The following ANXA5 variants were observed in gnomAD, a reference collection of about 807,000 sequenced individuals.
ANXA5 encodes annexin A5.
A neutral mutation model predicts 48.1 loss-of-function variants in ANXA5; 40 were observed. The ratio of observed to expected loss-of-function variants is 0.83; its 90% CI spans 0.65 to 1.08. The LOEUF (loss-of-function observed/expected upper bound fraction) is 1.08, where lower values mean the gene tolerates loss of function less well. Ranked by LOEUF, ANXA5 falls within the 50% of genes least tolerant of loss-of-function variation. The pLI, the probability that ANXA5 is intolerant of heterozygous loss-of-function variation, is 0.00. For missense variants in ANXA5, 357 were observed against 376.8 expected (o/e 0.95, Z 0.44); for synonymous variants, 113 against 129.1 (o/e 0.88, Z 0.85).
intron 2 of ANXA5, among the ~76,000 whole-genome samples, chr4:121,691,071 T>C (rs1237417489): frequency 6.6e-6 from 1 of 152,216 alleles, no homozygotes; most frequent in Non-Finnish European, 1.5e-5. Flanking sequence ...CCCAGATTAA[T>C]GCCAACTCTT....
intron 8 of ANXA5, 64 bp downstream of exon 8, chr4:121,677,830 T>C (rs1441077378): frequency 7.3e-7 from 1 of 1,378,742 alleles, no homozygotes; most frequent in African/African-American, 1.4e-5. Context: ...TGATTTTTCA[T>C]TACCATGAAT....
chr4:121,680,273 TTGTG>T, intron 6 of ANXA5, among the ~76,000 whole-genome samples: 1 of 151,456 alleles, frequency 6.6e-6, no homozygotes, highest in East Asian at 1.9e-4. Context: ...GTGTCTGTGT[TTGTG>T]TGTGTGTGTG....
intron 2 of ANXA5, among the ~76,000 whole-genome samples, 186 bp downstream of exon 2, chr4:121,696,395 A>G (rs1725082293): frequency 2.0e-5 from 3 of 152,104 alleles, no homozygotes; most frequent in Non-Finnish European, 4.4e-5. Flanking sequence ...GCTCAGCGGG[A>G]AGAACCGGGA....
intron 6 of ANXA5, among the ~76,000 whole-genome samples, chr4:121,680,858 T>G (rs192760627): frequency 1.7e-4 from 26 of 152,314 alleles, no homozygotes; most frequent in African/African-American, 6.3e-4. Flanking sequence ...AGAAAGGTAA[T>G]TATACAGTTG....
intron 4 of ANXA5, 113 bp from the exon 5 acceptor site, chr4:121,683,590 G>A: frequency 1.7e-6 from 1 of 597,196 alleles, no homozygotes; most frequent in African/African-American, 1.9e-5. Flanking sequence ...CTGTCTCCAA[G>A]TAGAAGGCCC....
At chr4:121,689,689 C>T (rs970473822) in intron 2 of ANXA5, among the ~76,000 whole-genome samples, 1 of 152,086 alleles carries the variant, frequency 6.6e-6, no homozygotes, top group Non-Finnish European at 1.5e-5. Flanking sequence ...AAAAGCCATG[C>T]TAAAATGTGC....
chr4:121,678,971 A>G (rs1341508049), intron 6 of ANXA5, among the ~76,000 whole-genome samples: 1 of 152,180 alleles, frequency 6.6e-6, no homozygotes, highest in African/African-American at 2.4e-5. Flanking sequence ...CTTGAGAGAC[A>G]GCAATGATAT....
At chr4:121,671,995 A>G (rs938534850) in intron 9 of ANXA5, among the ~76,000 whole-genome samples, 5 of 152,200 alleles carry the variant, frequency 3.3e-5, no homozygotes, top group Admixed American at 2.0e-4. Flanking sequence ...GAGCTAGAGC[A>G]GACATCTTAT....
At chr4:121,669,846 TA>T in intron 11 of ANXA5, 107 bp downstream of exon 11, 2 of 1,460,040 alleles carry the variant, frequency 1.4e-6, no homozygotes, top group Non-Finnish European at 1.9e-6. Flanking sequence ...GGTTGAATGT[TA>T]TAAGGGAAAA....
In ANXA5 at chr4:121,681,773, T is replaced by C. The variant is rs1724797290; in HGVS notation, c.304-12A>G. ...TTTGTTCCAGCTCCCTGTTTGGAGATTTTAATAGAGAAAACATGTCAATAA... is the reference window on the plus strand; with the variant it reads ...TTTGTTCCAGCTCCCTGTTTGGAGACTTTAATAGAGAAAACATGTCAATAA... On this transcript the variant is annotated splice_polypyrimidine_tract_variant and intron_variant, in intron 5 of 12. Transcript: ENST00000296511. 6.3e-7 allele frequency: 1 copy of C among 1,585,842 alleles called. No homozygotes were observed. Among genetic ancestry groups the C allele is most frequent in the South Asian group, 1.1e-5 (1 of 89,336 alleles).
In ANXA5 at chr4:121,672,600, T is replaced by C; in HGVS notation, c.558A>G (p.Lys186=). 6.2e-7 allele frequency: 1 copy of C among 1,613,756 alleles called. No homozygotes were observed. The highest frequency in any genetic ancestry group is 8.5e-7 in the Non-Finnish European group (1 of 1,179,786). The stretch of plus-strand genomic sequence containing the variant: ...TAAACTTTTCTTCATCTGTCCCCCA[T>C]TTAAGTTCTCCAGCCTGAAATAAAG... ...AQALFQAGEL[K]WGTDEEKFIT... is the part of the protein sequence containing the mutation. The change falls in exon 9 of 13, where the codon AAA becomes AAG. Residue 186 remains lysine, a synonymous_variant. Coordinates refer to ENST00000296511, the MANE Select transcript of ANXA5 (RefSeq NM_001154.4).
chr4:121,693,395 C>A (rs1725021522), intron 2 of ANXA5, among the ~76,000 whole-genome samples: 1 of 151,986 alleles, frequency 6.6e-6, no homozygotes, highest in African/African-American at 2.4e-5. Context: ...GTCTTAGGAG[C>A]CCTAATTTTT....
chr4:121,669,742 A>AG lies in ANXA5; in HGVS notation c.781-19_781-18insC, dbSNP rs781520875. On this transcript the variant is annotated intron_variant, in intron 11 of 12. Coordinates refer to ENST00000296511, the MANE Select transcript of ANXA5 (RefSeq NM_001154.4). ...CCAGCTCCCTTTAAAAAAAAAAAAA[A>AG]AGAGAGAAGCAAAATGCTTAAAAAC... 179 of 1,577,382 alleles carry AG rather than the reference A, an allele frequency of 1.1e-4. No individual in the cohort carries two copies. The highest frequency in any genetic ancestry group is 5.5e-4 in the South Asian group (46 of 83,996).
Position 121,671,580 on chromosome 4 carries a change from A to C in ANXA5, c.688T>G (p.Ser230Ala). The change falls in exon 10 of 13, where the codon TCT (serine) becomes GCT (alanine). Residue 230 changes from serine to alanine, a missense_variant. Ser to Ala is a moderately conservative substitution (Grantham distance 99). Coordinates refer to ENST00000296511, the MANE Select transcript of ANXA5 (RefSeq NM_001154.4). ...QIEETIDRET[S>A]GNLEQLLLAV... ...AGGAGTAGTTGCTCTAAATTGCCAGAAGTCTCGCGGTCAATGGTTTCCTCA... is the reference window on the plus strand; with the variant it reads ...AGGAGTAGTTGCTCTAAATTGCCAGCAGTCTCGCGGTCAATGGTTTCCTCA... The C allele has an allele frequency of 1.9e-6, 3 of 1,613,640 alleles. No individual in the cohort carries two copies. In the South Asian group the frequency reaches 3.3e-5, roughly 18 times the overall value.
At chr4:121,692,949 T>TC (rs1725010821) in intron 2 of ANXA5, among the ~76,000 whole-genome samples, 1 of 152,126 alleles carries the variant, frequency 6.6e-6, no homozygotes, top group African/African-American at 2.4e-5. Flanking sequence ...AGAACTAGTG[T>TC]CCCACCAGGC....
chr4:121,695,994 G>A, intron 2 of ANXA5, among the ~76,000 whole-genome samples: 1 of 151,350 alleles, frequency 6.6e-6, no homozygotes, highest in Admixed American at 6.6e-5. Context: ...TTGAGAACTC[G>A]TTCCACGAGT....
rs186506982 is a variant in ANXA5 at position 121,676,056 on chromosome 4, C to G, written c.531+1838G>C. Reference sequence around the variant, plus strand: ...TAGAGTTGGTTTCTTACACTGTGACCCTGAAAAGCTCCCAGAACTCCTATC... The same window carrying G: ...TAGAGTTGGTTTCTTACACTGTGACGCTGAAAAGCTCCCAGAACTCCTATC... On this transcript the variant is annotated intron_variant, in intron 8 of 12. Transcript: ENST00000296511. Among the ~76,000 whole-genome samples, 4 of 152,274 alleles carry G rather than the reference C, an allele frequency of 2.6e-5. No homozygotes were observed. The East Asian group carries it at 7.7e-4, about 29-fold the overall frequency.
rs549890964 is a variant in ANXA5 at position 121,671,262 on chromosome 4, G to A, written c.721+285C>T. On this transcript the variant is annotated intron_variant, in intron 10 of 12. Coordinates refer to ENST00000296511, the MANE Select transcript of ANXA5 (RefSeq NM_001154.4). Reference sequence around the variant, plus strand: ...TACAAGCCTCTGAGATAATGTCCACGACATTTCAGGTTTATCAATAAATAA... The same window carrying A: ...TACAAGCCTCTGAGATAATGTCCACAACATTTCAGGTTTATCAATAAATAA... 5.9e-5 allele frequency among the ~76,000 whole-genome samples: 9 copies of A among 152,190 alleles called. No individual in the cohort carries two copies. In the South Asian group the frequency reaches 1.9e-3, roughly 32 times the overall value.
At chr4:121,694,503 G>C (rs1157325313) in intron 2 of ANXA5, among the ~76,000 whole-genome samples, 2 of 151,770 alleles carry the variant, frequency 1.3e-5, no homozygotes, top group African/African-American at 4.8e-5. Context: ...TCCTGCCTCA[G>C]CCTCCCGAGT....
Sources: allele counts gnomAD v4.1 joint callset (sites outside exome capture counted in the v4.1 genomes callset), GRCh38; gene constraint gnomAD v4.1.1; transcripts MANE v1.5; gene names NCBI Gene and HGNC (gene_info 2026-07-23, HGNC 2026-07-21).